KLHL2: variants seen among roughly 807,000 people sequenced by gnomAD.
KLHL2 encodes the protein kelch-like protein 2.
A neutral mutation model predicts 75.8 loss-of-function variants in KLHL2; 15 were observed. That is an observed-to-expected ratio of 0.20 (90% CI 0.13 to 0.30). The LOEUF is 0.30. Among genes scored for constraint, KLHL2 ranks in the 10% least tolerant of loss-of-function variants. The probability of loss-of-function intolerance (pLI) is 1.00; values close to 1 mark genes in which losing one functional copy is unlikely to be tolerated. For missense variants in KLHL2, 381 were observed against 741.0 expected, an observed-to-expected ratio of 0.51 and a Z score of 5.64; for synonymous variants, 214 against 251.9, an observed-to-expected ratio of 0.85 and a Z score of 1.42.
intron 5 of KLHL2, among the ~76,000 whole-genome samples, chr4:165,280,408 G>T (rs191908105): frequency 2.0e-5 from 3 of 152,238 alleles, no homozygotes; most frequent in Non-Finnish European, 2.9e-5. Flanking sequence ...TGTAATTTAG[G>T]CTAGGAATCA....
Position 165,267,296 on chromosome 4 carries a change from C to G in KLHL2, c.544+3937C>G, listed in dbSNP as rs368733873. The stretch of plus-strand genomic sequence containing the variant: ...ACTTCCTCTCTTCCTAACTGAATAC[C>G]CTTTATTTCTGTCTCTTGCCTGATT... On this transcript the variant is annotated intron_variant, in intron 5 of 14. Transcript: ENST00000226725. Among the ~76,000 whole-genome samples, 30 of 152,246 alleles carry G rather than the reference C, an allele frequency of 2.0e-4. 1 individual carries two copies. Among genetic ancestry groups the G allele is most frequent in the South Asian group, 1.9e-3 (9 of 4,814 alleles).
At chr4:165,311,071 AT>A (rs927649445) in intron 10 of KLHL2, among the ~76,000 whole-genome samples, 2 of 151,966 alleles carry the variant, frequency 1.3e-5, no homozygotes, top group Admixed American at 6.6e-5. Flanking sequence ...GTTAGCCAGG[AT>A]GGTCTCAATC....
chr4:165,317,979 G>A lies in KLHL2; in HGVS notation c.1753+10G>A. 6.2e-7 allele frequency: 1 copy of A among 1,609,924 alleles called. No individual in the cohort carries two copies. The highest frequency in any genetic ancestry group is 8.5e-7 in the Non-Finnish European group (1 of 1,178,640). On this transcript the variant is annotated intron_variant, in intron 14 of 14. Coordinates refer to ENST00000226725, the MANE Select transcript of KLHL2 (RefSeq NM_007246.4). ...GGGAGAAGTTATGCAGGTAACAGTT[G>A]TCTCTAAAGTCAATTTCCGTACAAA... is the stretch of plus-strand genomic sequence containing the variant.
intron 5 of KLHL2, among the ~76,000 whole-genome samples, chr4:165,270,933 C>T (rs575208444): frequency 8.5e-5 from 13 of 152,256 alleles, no homozygotes; most frequent in African/African-American, 3.1e-4. Flanking sequence ...TTTTTGTATG[C>T]TTTGTCGAAG....
chr4:165,322,149 C>T lies in KLHL2; in HGVS notation c.*89C>T. 2 of 1,148,478 alleles carry T rather than the reference C, an allele frequency of 1.7e-6. No homozygotes were observed. Among genetic ancestry groups the T allele is most frequent in the Non-Finnish European group, 2.6e-6 (2 of 757,244 alleles). 71.1% of individuals were successfully genotyped at this position (1,148,478 alleles called of 1,614,324 possible). A position where few individuals can be genotyped will look rare whatever the true frequency, so the allele number is the denominator to read the frequency against. ...TGACTGAGAATCTAGCACTTCTCCA[C>T]TTGTAGCTGCACTTTAAGTCTCAGC... On this transcript the variant is annotated 3_prime_UTR_variant, in exon 15 of 15. Transcript: ENST00000226725.
intron 4 of KLHL2, among the ~76,000 whole-genome samples, chr4:165,245,155 C>T (rs1462731936): frequency 3.9e-5 from 6 of 152,096 alleles, no homozygotes; most frequent in East Asian, 3.9e-4. Context: ...TTGCAGTAAA[C>T]GAAGATCGCA....
intron 5 of KLHL2, among the ~76,000 whole-genome samples, chr4:165,289,960 C>T (rs1744385756): frequency 6.6e-6 from 1 of 152,160 alleles, no homozygotes; most frequent in South Asian, 2.1e-4. Context: ...TGTAGACATA[C>T]ATTTGAAGGT....
At chr4:165,299,250 T>C (rs530247631) in intron 7 of KLHL2, among the ~76,000 whole-genome samples, 1 of 152,298 alleles carries the variant, frequency 6.6e-6, no homozygotes, top group African/African-American at 2.4e-5. Flanking sequence ...ATAGCTAACA[T>C]TGAAGTTTAT....
chr4:165,242,776 C>T (rs868391121), intron 4 of KLHL2, among the ~76,000 whole-genome samples: 20 of 152,174 alleles, frequency 1.3e-4, no homozygotes, highest in Admixed American at 9.2e-4. Context: ...GGATTATAGG[C>T]ATGAGCTACC....
At chr4:165,290,375 C>T (rs189992241) in intron 5 of KLHL2, among the ~76,000 whole-genome samples, 8 of 152,090 alleles carry the variant, frequency 5.3e-5, no homozygotes, top group Admixed American at 2.0e-4. Flanking sequence ...ACTCAAGTGA[C>T]CCACCCTCCT....
chr4:165,318,232 T>C (rs1441248873), intron 14 of KLHL2, among the ~76,000 whole-genome samples: 1 of 152,162 alleles, frequency 6.6e-6, no homozygotes, highest in East Asian at 1.9e-4. Context: ...AGCTAAAATC[T>C]GTATGCAGAG....
intron 4 of KLHL2, among the ~76,000 whole-genome samples, chr4:165,251,023 G>C (rs1160693105): frequency 7.2e-5 from 11 of 152,016 alleles, no homozygotes; most frequent in Admixed American, 7.2e-4. Flanking sequence ...TCTATGGAAG[G>C]CTTATTGCTT....
At chr4:165,225,105 G>A (rs1029139667) in intron 2 of KLHL2, among the ~76,000 whole-genome samples, 11 of 152,232 alleles carry the variant, frequency 7.2e-5, no homozygotes, top group African/African-American at 2.6e-4. Context: ...CAATTTTCAT[G>A]ATATAATTTT....
chr4:165,288,406 T>C (rs1260134253), intron 5 of KLHL2, among the ~76,000 whole-genome samples: 1 of 152,204 alleles, frequency 6.6e-6, no homozygotes, highest in African/African-American at 2.4e-5. Context: ...TAATCACTAT[T>C]ATTAGTTTCT....
At chr4:165,292,716 A>C (rs1579137982) in intron 5 of KLHL2, among the ~76,000 whole-genome samples, 2 of 152,182 alleles carry the variant, frequency 1.3e-5, no homozygotes, top group African/African-American at 2.4e-5. Context: ...GGGGAAGCCA[A>C]CTGTTCCTTT....
At chr4:165,279,171 C>T (rs1553960280) in intron 5 of KLHL2, 14 of 1,596,806 alleles carry the variant, frequency 8.8e-6, no homozygotes, top group African/African-American at 2.7e-5. Context: ...CTCACATTGT[C>T]GAGGAGCCAG....
chr4:165,318,623 T>A (rs186694069), intron 14 of KLHL2, among the ~76,000 whole-genome samples: 79 of 152,328 alleles, frequency 5.2e-4, no homozygotes, highest in Admixed American at 1.5e-3. Flanking sequence ...AAGAACTATG[T>A]ACAGTAGAAT....
At chr4:165,236,238 C>A (rs1739335999) in intron 3 of KLHL2, among the ~76,000 whole-genome samples, 1 of 152,138 alleles carries the variant, frequency 6.6e-6, no homozygotes, top group East Asian at 1.9e-4. Flanking sequence ...GTATGGATAG[C>A]ATAATGTAGC....
intron 4 of KLHL2, among the ~76,000 whole-genome samples, chr4:165,249,233 G>T (rs1193045567): frequency 6.6e-6 from 1 of 152,106 alleles, no homozygotes; most frequent in Non-Finnish European, 1.5e-5. Context: ...AAACTATTTT[G>T]TTAGCTCCTT....
Sources: gnomAD v4.1 joint callset for allele counts (sites outside exome capture counted in the v4.1 genomes callset) on GRCh38, gnomAD v4.1.1 for gene constraint, MANE v1.5 for transcripts, NCBI Gene and HGNC (gene_info 2026-07-23, HGNC 2026-07-21) for gene names.